POMT2: variants seen among roughly 807,000 people sequenced by gnomAD.
POMT2 encodes the protein protein O-mannosyltransferase 2.
A neutral mutation model predicts 100.0 loss-of-function variants in POMT2; 75 were observed. The ratio of observed to expected loss-of-function variants is 0.75; its 90% CI spans 0.62 to 0.91. POMT2 has a LOEUF of 0.91. Among genes scored for constraint, POMT2 ranks in the 40% least tolerant of loss-of-function variants. POMT2 has a pLI of 0.00. For synonymous variants in POMT2, 378 were observed against 374.1 expected, an observed-to-expected ratio of 1.01 and a Z score of -0.12; for missense variants, 940 against 955.1, an observed-to-expected ratio of 0.98 and a Z score of 0.21.
At chr14:77,312,218 G>A in intron 1 of POMT2, 185 bp from the exon 2 acceptor site, 1 of 995,616 alleles carries the variant, frequency 1.0e-6, no homozygotes, top group Non-Finnish European at 1.4e-6. Flanking sequence ...CTGGCCACTG[G>A]TCTTCATTTA....
intron 9 of POMT2, among the ~76,000 whole-genome samples, chr14:77,291,895 T>G (rs528028427): frequency 6.6e-6 from 1 of 152,104 alleles, no homozygotes; most frequent in Non-Finnish European, 1.5e-5. Flanking sequence ...TAGCCGGGCA[T>G]GGTACGCGCC....
intron 2 of POMT2, among the ~76,000 whole-genome samples, chr14:77,308,464 T>G (rs1384247498): frequency 6.7e-6 from 1 of 149,740 alleles, no homozygotes; most frequent in East Asian, 2.0e-4. Flanking sequence ...CGTGTGATTC[T>G]CCTGCCTCAG....
At chr14:77,305,690 C>G (rs1891200533) in intron 3 of POMT2, among the ~76,000 whole-genome samples, 2 of 152,252 alleles carry the variant, frequency 1.3e-5, no homozygotes, top group Non-Finnish European at 2.9e-5. Context: ...TGGAGGTCAG[C>G]TTCTGCTGGC....
chr14:77,311,864 C>T (rs181302842), intron 2 of POMT2, 85 bp downstream of exon 2: 213 of 1,539,236 alleles, frequency 1.4e-4, no homozygotes, highest in Middle Eastern at 8.5e-4. Flanking sequence ...TTTCTAGAAG[C>T]CCCAAATCCA....
Position 77,302,953 on chromosome 14 carries a change from A to G in POMT2, c.548-10T>C. On this transcript the variant is annotated splice_polypyrimidine_tract_variant and intron_variant, in intron 4 of 20. Transcript: ENST00000261534. ...GTGAGGCATCCCGTGTCTGAAAAAC[A>G]TGAGCTCGCTGGTGAAAAAGCGAGG... The G allele has an allele frequency of 6.2e-7, 1 of 1,600,756 alleles. No homozygotes were observed. The highest frequency in any genetic ancestry group is 8.6e-7 in the Non-Finnish European group (1 of 1,169,300).
intron 2 of POMT2, among the ~76,000 whole-genome samples, chr14:77,308,480 C>A (rs1306920676): frequency 1.3e-5 from 2 of 151,598 alleles, no homozygotes; most frequent in Non-Finnish European, 2.9e-5. Context: ...CTCAGCCTCC[C>A]AAGTAGCTAG....
chr14:77,284,571 G>A (rs962697324), intron 14 of POMT2, among the ~76,000 whole-genome samples: 3 of 152,018 alleles, frequency 2.0e-5, no homozygotes, highest in Non-Finnish European at 4.4e-5. Context: ...TTCTATAAAA[G>A]CATTGGCTGG....
intron 1 of POMT2, among the ~76,000 whole-genome samples, chr14:77,317,558 G>T (rs557275764): frequency 7.7e-4 from 118 of 152,288 alleles, no homozygotes; most frequent in Non-Finnish European, 1.2e-3. Flanking sequence ...TTCCCTCAAA[G>T]ATCAACTCAA....
At position 77,277,191 on chromosome 14, in the gene POMT2, C is replaced by G; in HGVS notation, c.*185G>C. The G allele has an allele frequency of 1.6e-6, 1 of 628,902 alleles. No homozygotes were observed. Among genetic ancestry groups the G allele is most frequent in the African/African-American group, 1.8e-5 (1 of 55,446 alleles). 39.0% of individuals were successfully genotyped at this position (628,902 alleles called of 1,614,324 possible). On this transcript the variant is annotated 3_prime_UTR_variant, in exon 21 of 21. Transcript: ENST00000261534. Reference sequence around the variant, plus strand: ...CGTGGTGCTGTGGACGGAGCTGCGGCTCTCTCCCGGCTCTCTCCAATGCTG... The same window carrying G: ...CGTGGTGCTGTGGACGGAGCTGCGGGTCTCTCCCGGCTCTCTCCAATGCTG...
chr14:77,320,481 C>T lies in POMT2; in HGVS notation c.201G>A (p.Leu67=), dbSNP rs1325639491. ...WWALLALVTL[L]SFATRFHRLD... Reference sequence around the variant, plus strand: ...AGCGGTGGAAGCGGGTGGCGAAGGACAGCAGCGTCACCAAGGCCAGCAGGG... The same window carrying T: ...AGCGGTGGAAGCGGGTGGCGAAGGATAGCAGCGTCACCAAGGCCAGCAGGG... The change falls in exon 1 of 21, where the codon CTG becomes CTA. Residue 67 remains leucine (L), a synonymous_variant. Transcript: ENST00000261534. 1.3e-6 allele frequency: 2 copies of T among 1,545,602 alleles called. No homozygotes were observed. Among genetic ancestry groups the T allele is most frequent in the Admixed American group, 1.9e-5 (1 of 51,298 alleles).
At chr14:77,287,126 T>G (rs1198329762) in intron 11 of POMT2, 1 of 390,384 alleles carries the variant, frequency 2.6e-6, no homozygotes, top group East Asian at 6.3e-5. Flanking sequence ...TTTAGTAGCT[T>G]TGAAGCACTT....
chr14:77,302,325 C>T lies in POMT2; in HGVS notation c.656+510G>A, dbSNP rs147145183. Among the ~76,000 whole-genome samples, 574 of 152,274 alleles carry T rather than the reference C, an allele frequency of 3.8e-3. 5 individuals are homozygous for T. The highest frequency in any genetic ancestry group is 0.012 in the African/African-American group (507 of 41,548). On this transcript the variant is annotated intron_variant, in intron 5 of 20. Coordinates refer to ENST00000261534, the MANE Select transcript of POMT2 (RefSeq NM_013382.7). ...TCTTGGCTGGTATGGACCATTCAAG[C>T]CAACCTTTACATATGCTATTCCCAT...
intron 1 of POMT2, chr14:77,312,338 G>A (rs1566662132): frequency 3.3e-6 from 1 of 302,806 alleles, no homozygotes; most frequent in East Asian, 9.6e-5. Context: ...AGGACAAGAT[G>A]TTTTCTCATA....
At position 77,301,248 on chromosome 14, in the gene POMT2, G is replaced by T. The variant is rs771201662; in HGVS notation, c.658C>A (p.Pro220Thr). Reference protein sequence around the residue: ...MVKYNSCADRPFSAPWWFWLS... With the variant: ...MVKYNSCADRTFSAPWWFWLS... Reference sequence around the variant, plus strand: ...CAGAACCACCAGGGGGCAGAGAAGGGCCTGAAAATCAACAAGACGGAGTTC... The same window carrying T: ...CAGAACCACCAGGGGGCAGAGAAGGTCCTGAAAATCAACAAGACGGAGTTC... Residue 220 changes from proline to threonine, a missense_variant and splice_region_variant, in exon 6 of 21, where the codon CCC becomes ACC. Physicochemically the swap from Pro to Thr is conservative, Grantham distance 38. Coordinates refer to ENST00000261534, the MANE Select transcript of POMT2 (RefSeq NM_013382.7). 2.5e-6 allele frequency: 4 copies of T among 1,614,028 alleles called. No homozygotes were observed. The African/African-American group carries it at 5.3e-5, about 22-fold the overall frequency.
intron 2 of POMT2, among the ~76,000 whole-genome samples, chr14:77,307,622 A>G (rs1332767492): frequency 2.6e-5 from 4 of 152,144 alleles, no homozygotes; most frequent in African/African-American, 7.2e-5. Context: ...GCTGGTCTAG[A>G]GAGAAGAAAT....
At position 77,317,158 on chromosome 14, in the gene POMT2, G is replaced by A. The variant is rs201666279; in HGVS notation, c.248+3276C>T. ...AGCCACCACTGCGTGCCAGACTTGT[G>A]ACTCCTGCCAAAAGTTGGCCTGCTT... is the stretch of plus-strand genomic sequence containing the variant. On this transcript the variant is annotated intron_variant, in intron 1 of 20. Coordinates refer to ENST00000261534, the MANE Select transcript of POMT2 (RefSeq NM_013382.7). 3.3e-5 allele frequency among the ~76,000 whole-genome samples: 5 copies of A among 152,364 alleles called. No homozygotes were observed. In the South Asian group the frequency reaches 6.2e-4, roughly 19 times the overall value.
Position 77,320,726 on chromosome 14 carries a change from G to A in POMT2, c.-45C>T, listed in dbSNP as rs769943765. On this transcript the variant is annotated 5_prime_UTR_variant, in exon 1 of 21. Coordinates refer to ENST00000261534, the MANE Select transcript of POMT2 (RefSeq NM_013382.7). ...GCCCTCCGGCCCGGAGGCACACTTT[G>A]TCTGACCAGCCGCCCCGCCAAGGAG... The A allele has an allele frequency of 1.3e-6, 2 of 1,511,118 alleles. No individual in the cohort carries two copies. Among genetic ancestry groups the A allele is most frequent in the Admixed American group, 1.8e-5 (1 of 55,748 alleles). The allele number at this position is 1,511,118 out of a possible 1,614,324, so 93.6% of individuals were successfully genotyped here.
chr14:77,295,332 A>G (rs1476976533), intron 9 of POMT2, among the ~76,000 whole-genome samples: 1 of 152,090 alleles, frequency 6.6e-6, no homozygotes, highest in East Asian at 1.9e-4. Context: ...ATTTTCCCCA[A>G]CTTAAAGAGG....
At chr14:77,309,129 T>C (rs1891345930) in intron 2 of POMT2, among the ~76,000 whole-genome samples, 2 of 152,236 alleles carry the variant, frequency 1.3e-5, no homozygotes, top group South Asian at 2.1e-4. Context: ...GTATATATAA[T>C]GTGTTGTTCA....
Sources: allele counts gnomAD v4.1 joint callset (sites outside exome capture counted in the v4.1 genomes callset), GRCh38; gene constraint gnomAD v4.1.1; transcripts MANE v1.5; gene names NCBI Gene and HGNC (gene_info 2026-07-23, HGNC 2026-07-21).